The following A2ML1 variants were observed in gnomAD, a reference collection of about 807,000 sequenced individuals.
A2ML1 encodes the protein alpha-2-macroglobulin-like protein 1.
A2ML1 carries 161 observed loss-of-function variants against 181.9 expected under a neutral mutation model. That is an observed-to-expected ratio of 0.89 (90% CI 0.78 to 1.01). The LOEUF is 1.01. A2ML1 is among the 50% of genes least tolerant of loss of function. The pLI is 0.00. For synonymous variants in A2ML1, 663 were observed against 666.8 expected, an observed-to-expected ratio of 0.99 and a Z score of 0.09; for missense variants, 1,670 against 1,768.1, an observed-to-expected ratio of 0.94 and a Z score of 1.00.
Position 8,868,613 on chromosome 12 carries a change from G to A in A2ML1, c.4138G>A (p.Gly1380Ser). ...KMLSGFSPMEGTNQLLLQQPL... is the reference protein window; with the variant it reads ...KMLSGFSPMESTNQLLLQQPL... ...GCTATCTGGGTTCAGTCCCATGGAGGGCACCAATCAGTTAGTAAGTTACTT... is the reference window on the plus strand; with the variant it reads ...GCTATCTGGGTTCAGTCCCATGGAGAGCACCAATCAGTTAGTAAGTTACTT... The change falls in exon 32 of 36, where the codon GGC becomes AGC. Residue 1380 changes from glycine (G) to serine (S), a missense_variant. Physicochemically the swap from Gly to Ser is moderately conservative, Grantham distance 56 (BLOSUM62 0). Transcript: ENST00000299698. 2 of 1,613,542 alleles carry A rather than the reference G, an allele frequency of 1.2e-6. No homozygotes were observed. The highest frequency in any genetic ancestry group is 1.3e-5 in the African/African-American group (1 of 74,906).
intron 29 of A2ML1, among the ~76,000 whole-genome samples, chr12:8,867,427 C>G (rs1447079757): frequency 1.3e-5 from 2 of 152,192 alleles, no homozygotes; most frequent in Non-Finnish European, 2.9e-5. Flanking sequence ...GCAGCCGGAC[C>G]ACCTGAGGTT....
intron 10 of A2ML1, among the ~76,000 whole-genome samples, chr12:8,839,592 G>A (rs1196800921): frequency 1.3e-5 from 2 of 152,130 alleles, no homozygotes; most frequent in African/African-American, 4.8e-5. Context: ...GCCAGGGGCT[G>A]ATCTTCTAAT....
downstream of A2ML1, among the ~76,000 whole-genome samples, chr12:8,881,726 G>T (rs749437966): frequency 3.9e-5 from 6 of 152,014 alleles, no homozygotes; most frequent in Non-Finnish European, 8.8e-5. Context: ...CATTAAGTTT[G>T]AGTGGCTGGG....
rs774943263 is a variant in A2ML1, at chr12:8,836,280, G to A, written c.669G>A (p.Val223=). The A allele has an allele frequency of 6.8e-6, 11 of 1,614,042 alleles. No homozygotes were observed. In the South Asian group the frequency reaches 1.2e-4, roughly 18 times the overall value. ...EYVLPKFKVE[V]VEPKELSTVQ... ...TGCTGCCGAAGTTTAAGGTGGAAGT[G>A]GTGGAACCCAAGGAGTTATCAACGG... Residue 223 remains valine (V), a synonymous_variant, in exon 7 of 36, where the codon GTG becomes GTA. Transcript: ENST00000299698.
Position 8,868,297 on chromosome 12 carries a change from GA to G in A2ML1, c.4005del (p.Ala1336LeufsTer12), listed in dbSNP as rs1208831416. On this transcript the variant is annotated frameshift_variant, in exon 31 of 36. Transcript: ENST00000299698. LOFTEE classifies it high-confidence loss of function. Reference sequence around the variant, plus strand: ...ACCTTTAGTCTTAGTGTGGAAATAGGAAAAGCTAGATGTGAGCAACCGACTT... The same window carrying G: ...ACCTTTAGTCTTAGTGTGGAAATAGGAAAGCTAGATGTGAGCAACCGACTT... ...MKTFSLSVEI[G>X]KARCEQPTSP... The G allele has an allele frequency of 6.2e-7, 1 of 1,613,916 alleles. No homozygotes were observed. Among genetic ancestry groups the G allele is most frequent in the Non-Finnish European group, 8.5e-7 (1 of 1,179,990 alleles).
At position 8,851,832 on chromosome 12, in the gene A2ML1, C is replaced by T. The variant is rs750669614; in HGVS notation, c.2283C>T (p.Thr761=). 8.7e-6 allele frequency: 14 copies of T among 1,614,176 alleles called. No homozygotes were observed. The highest frequency in any genetic ancestry group is 2.7e-5 in the African/African-American group (2 of 75,032). Residue 761 remains threonine (T), a synonymous_variant, in exon 19 of 36, where the codon ACC becomes ACT. Coordinates refer to ENST00000299698, the MANE Select transcript of A2ML1 (RefSeq NM_144670.6). ...ACGTCACAGTTCCTGACGCCATCAC[C>T]GAGTGGAAGGCGATGAGTTTCTGCA... ...AVHVTVPDAI[T]EWKAMSFCTS... is the part of the protein sequence containing the mutation.
chr12:8,834,140 A>T (rs1406215544), intron 4 of A2ML1, among the ~76,000 whole-genome samples: 1 of 152,168 alleles, frequency 6.6e-6, no homozygotes, highest in East Asian at 1.9e-4. Context: ...TCTATTTAGC[A>T]ACTACTGTCT....
chr12:8,854,896 A>T (rs1260234222), intron 22 of A2ML1, 65 bp downstream of exon 22: 97 of 1,294,210 alleles, frequency 7.5e-5, no homozygotes, highest in Middle Eastern at 5.5e-4. Context: ...TTTTCTTTTC[A>T]TTTTTTTTTT....
At chr12:8,839,760 T>C (rs1319986110) in intron 10 of A2ML1, among the ~76,000 whole-genome samples, 1 of 152,190 alleles carries the variant, frequency 6.6e-6, no homozygotes, top group Non-Finnish European at 1.5e-5. Context: ...TTGTTTTGTT[T>C]TGTTTTGAGA....
intron 8 of A2ML1, 54 bp downstream of exon 8, chr12:8,837,620 G>A (rs1324843166): frequency 1.6e-5 from 24 of 1,542,252 alleles, no homozygotes; most frequent in Admixed American, 1.8e-5. Flanking sequence ...GGTGGCTCAC[G>A]CCTGTCATCC....
At chr12:8,875,598 G>A (rs890562414) in intron 35 of A2ML1, 1 of 124,214 alleles carries the variant, frequency 8.1e-6, no homozygotes, top group African/African-American at 2.7e-5. Context: ...ATCACGCCCA[G>A]CTAATTTTTT....
chr12:8,838,198 G>A (rs902699958), intron 8 of A2ML1, 138 bp from the exon 9 acceptor site: 7 of 563,910 alleles, frequency 1.2e-5, no homozygotes, highest in Non-Finnish European at 2.2e-5. Context: ...TATACTTCAT[G>A]TTGTAGGAGA....
chr12:8,868,062 G>C lies in A2ML1; in HGVS notation c.3933+5G>C. The C allele has an allele frequency of 6.2e-7, 1 of 1,613,122 alleles. No individual in the cohort carries two copies. The highest frequency in any genetic ancestry group is 1.3e-5 in the African/African-American group (1 of 75,060). ...CAGGGCTGTGTCTATGTGCAGGTAA[G>C]TAGAGATCCATGAGAATGAGCGGAC... is the stretch of plus-strand genomic sequence containing the variant. On this transcript the variant is annotated splice_donor_5th_base_variant and intron_variant, in intron 30 of 35. Transcript: ENST00000299698.
intron 10 of A2ML1, among the ~76,000 whole-genome samples, chr12:8,840,025 G>A (rs1042029363): frequency 1.3e-5 from 2 of 152,132 alleles, no homozygotes; most frequent in African/African-American, 4.8e-5. Context: ...GGGATTACAG[G>A]AGTGAGCCAC....
intron 10 of A2ML1, 82 bp from the exon 11 acceptor site, chr12:8,841,287 C>T (rs1408743545): frequency 1.5e-6 from 2 of 1,310,038 alleles, no homozygotes; most frequent in Non-Finnish European, 2.1e-6. Context: ...AATTAGTTTG[C>T]ACCAACCTAA....
At position 8,874,464 on chromosome 12, in the gene A2ML1, C is replaced by T. The variant is rs182070540; in HGVS notation, c.4261C>T (p.Gln1421Ter). Residue 1421 changes from glutamine to a stop codon, truncating the protein, a stop_gained, in exon 34 of 36, where the codon CAA (glutamine) becomes TAA (stop). Coordinates refer to ENST00000299698, the MANE Select transcript of A2ML1 (RefSeq NM_144670.6). LOFTEE classifies it high-confidence loss of function. ...NTQTYTFTIS[Q>*]SVLVTNLKPA... is the part of the protein sequence containing the mutation. ...TCAGACTTACACCTTCACCATCAGC[C>T]AAAGTGTGCTGGTCACCAACTTGAA... 83 of 1,614,118 alleles carry T rather than the reference C, an allele frequency of 5.1e-5. No homozygotes were observed. The East Asian group carries it at 1.7e-3, about 32-fold the overall frequency.
chr12:8,841,017 A>T (rs11047528), intron 10 of A2ML1, among the ~76,000 whole-genome samples: 1 of 14,040 alleles, frequency 7.1e-5, no homozygotes, highest in Non-Finnish European at 3.1e-4. Flanking sequence ...GAAGGACGGA[A>T]GGAAGGAAGG....
chr12:8,870,727 T>C (rs527967454), intron 33 of A2ML1, among the ~76,000 whole-genome samples: 12 of 152,070 alleles, frequency 7.9e-5, no homozygotes, highest in African/African-American at 2.9e-4. Context: ...GGAGACAGAG[T>C]TGGAGAGAGA....
At position 8,852,627 on chromosome 12, in the gene A2ML1, C is replaced by T. The variant is rs1943931245; in HGVS notation, c.2590+291C>T. Among the ~76,000 whole-genome samples the T allele has an allele frequency of 6.6e-6, 1 of 152,180 alleles. No individual in the cohort carries two copies. Among genetic ancestry groups the T allele is most frequent in the South Asian group, 2.1e-4 (1 of 4,826 alleles). ...AATCAAGGACTTACTATAAGAGTCC[C>T]TGGGCCAGGCACTATTCTAACTGCT... On this transcript the variant is annotated intron_variant, in intron 20 of 35. Coordinates refer to ENST00000299698, the MANE Select transcript of A2ML1 (RefSeq NM_144670.6). This position sits in a 1 kb window ranked among gnomAD's most constrained non-coding sequence, Gnocchi z 4.2.
Sources: gnomAD v4.1 joint callset for allele counts (sites outside exome capture counted in the v4.1 genomes callset) on GRCh38, gnomAD v4.1.1 for gene constraint, Gnocchi (gnomAD v3.1) non-coding constraint, MANE v1.5 for transcripts, NCBI Gene and HGNC (gene_info 2026-07-23, HGNC 2026-07-21) for gene names.